SEPTIN9: variants seen among roughly 807,000 people sequenced by gnomAD.
SEPTIN9 encodes septin 9.
SEPTIN9 carries 13 observed loss-of-function variants against 56.6 expected under a neutral mutation model. The observed-to-expected ratio is 0.23, with a 90% CI of 0.15 to 0.37. SEPTIN9 has a LOEUF of 0.37. SEPTIN9 is among the 10% of genes least tolerant of loss of function. The probability of loss-of-function intolerance (pLI) is 1.00; values close to 1 mark genes in which losing one functional copy is unlikely to be tolerated. For missense variants in SEPTIN9, 650 were observed against 823.1 expected, an observed-to-expected ratio of 0.79 and a Z score of 2.57; for synonymous variants, 332 against 334.1, an observed-to-expected ratio of 0.99 and a Z score of 0.07.
chr17:77,400,168 G>A lies in SEPTIN9; in HGVS notation c.77-1891G>A, dbSNP rs1201286231. On this transcript the variant is annotated intron_variant, in intron 2 of 11. Transcript: ENST00000427177. The surrounding 1 kb of genome is among the most constrained non-coding windows in gnomAD (Gnocchi z 4.1). Reference sequence around the variant, plus strand: ...ATTTTTTATTTTTAGTAAAGATGGGGTTTCACCACATCAGCCAGGCTGCTC... The same window carrying A: ...ATTTTTTATTTTTAGTAAAGATGGGATTTCACCACATCAGCCAGGCTGCTC... Among the ~76,000 whole-genome samples the A allele has an allele frequency of 2.0e-5, 3 of 152,100 alleles. No individual in the cohort carries two copies. Among genetic ancestry groups the A allele is most frequent in the Non-Finnish European group, 2.9e-5 (2 of 68,026 alleles).
At chr17:77,417,886 C>T (rs757824093) in intron 3 of SEPTIN9, among the ~76,000 whole-genome samples, 4 of 152,208 alleles carry the variant, frequency 2.6e-5, no homozygotes, top group Non-Finnish European at 5.9e-5. Flanking sequence ...GGCACCTCAG[C>T]ACCTGCTGCA....
rs1237126186 is a variant in SEPTIN9 at position 77,498,898 on chromosome 17, C to T, written c.*240C>T. ...GGAGCCACAGGCAGGGGTGAGAGCA[C>T]CCACTGAATTGACATGACCCTCTGT... On this transcript the variant is annotated 3_prime_UTR_variant, in exon 12 of 12. Transcript: ENST00000427177. 1.7e-5 allele frequency: 10 copies of T among 591,764 alleles called. No homozygotes were observed. The highest frequency in any genetic ancestry group is 3.2e-5 in the Non-Finnish European group (10 of 313,630). 36.7% of individuals were successfully genotyped at this position (591,764 alleles called of 1,614,324 possible).
intron 3 of SEPTIN9, among the ~76,000 whole-genome samples, chr17:77,417,845 G>T (rs537831683): frequency 2.6e-5 from 4 of 152,196 alleles, no homozygotes; most frequent in African/African-American, 9.7e-5. Flanking sequence ...CGGAGGGGGG[G>T]TTCCAGGAAC....
rs930911644 is a variant in SEPTIN9, at chr17:77,475,971, CAG to C, written c.722-6172_722-6171del. On this transcript the variant is annotated intron_variant, in intron 3 of 11. Coordinates refer to ENST00000427177, the MANE Select transcript of SEPTIN9 (RefSeq NM_001113491.2). The surrounding 1 kb of genome is among the most constrained non-coding windows in gnomAD (Gnocchi z 4.6). ...AGGTGTGGGTTGGGTTTGGGGAAGACAGGGGAATGGCATTGACTTGACCCTGA... is the reference window on the plus strand; with the variant it reads ...AGGTGTGGGTTGGGTTTGGGGAAGACGGGAATGGCATTGACTTGACCCTGA... The C allele has an allele frequency of 5.7e-5, 87 of 1,513,284 alleles. 1 individual carries two copies. In the Middle Eastern group the frequency reaches 2.1e-3, roughly 37 times the overall value. The allele number at this position is 1,513,284 out of a possible 1,614,324, so 93.7% of individuals were successfully genotyped here.
rs114197578 is a variant in SEPTIN9, at chr17:77,421,955, C to A, written c.721+19252C>A. ...ATCTCGACCTCCTAGGCTCAGCAGT[C>A]CTCCCATCTCAGCCTACCAAGTAGC... On this transcript the variant is annotated intron_variant, in intron 3 of 11. Transcript: ENST00000427177. The surrounding 1 kb of genome is among the most constrained non-coding windows in gnomAD (Gnocchi z 4.6). Among the ~76,000 whole-genome samples, 5,864 of 152,204 alleles carry A rather than the reference C, an allele frequency of 0.039. 328 individuals carry two copies. The highest frequency in any genetic ancestry group is 0.12 in the African/African-American group (4,995 of 41,488).
Position 77,310,571 on chromosome 17 carries a change from C to T in SEPTIN9, c.76+3374C>T, listed in dbSNP as rs934806305. ...AAGGTCTTCTCTGTTACTAGTGCTG[C>T]CGGGAACGTGTGTTTCCCCAGGTGG... On this transcript the variant is annotated intron_variant, in intron 2 of 11. Coordinates refer to ENST00000427177, the MANE Select transcript of SEPTIN9 (RefSeq NM_001113491.2). This position sits in a 1 kb window ranked among gnomAD's most constrained non-coding sequence, Gnocchi z 4.7. Among the ~76,000 whole-genome samples, 1 of 134,936 alleles carries T rather than the reference C, an allele frequency of 7.4e-6. No individual in the cohort carries two copies. Among genetic ancestry groups the T allele is most frequent in the Non-Finnish European group, 1.6e-5 (1 of 64,250 alleles). 88.5% of individuals were successfully genotyped at this position (134,936 alleles called of 152,430 possible).
chr17:77,356,166 G>A (rs181876437), intron 2 of SEPTIN9, among the ~76,000 whole-genome samples: 575 of 152,192 alleles, frequency 3.8e-3, no homozygotes, highest in Non-Finnish European at 6.5e-3. Flanking sequence ...GTTTGGAAGA[G>A]GCGACACTGT....
intron 3 of SEPTIN9, among the ~76,000 whole-genome samples, chr17:77,418,706 G>A (rs531937606): frequency 6.6e-6 from 1 of 152,252 alleles, no homozygotes; most frequent in South Asian, 2.1e-4. Context: ...CTTTCCTCAC[G>A]GCCCATTGAT....
At chr17:77,379,466 G>A (rs1324625723) in intron 2 of SEPTIN9, among the ~76,000 whole-genome samples, 1 of 152,180 alleles carries the variant, frequency 6.6e-6, no homozygotes, top group Non-Finnish European at 1.5e-5. Flanking sequence ...AGGAGCCAGG[G>A]ACTTCTCAGC....
intron 3 of SEPTIN9, among the ~76,000 whole-genome samples, chr17:77,474,594 G>A (rs758899521): frequency 4.6e-5 from 7 of 152,178 alleles, no homozygotes; most frequent in Admixed American, 2.0e-4. Context: ...TGCCTGCACC[G>A]CAGCTGCACC....
chr17:77,362,648 C>T (rs550582293), intron 2 of SEPTIN9, among the ~76,000 whole-genome samples: 3 of 152,306 alleles, frequency 2.0e-5, no homozygotes, highest in Admixed American at 2.0e-4. Flanking sequence ...TCCCCTGTGC[C>T]TTCGCAGTCT....
rs1287310210 is a variant in SEPTIN9 at position 77,451,511 on chromosome 17, C to G, written c.722-30633C>G. The G allele has an allele frequency of 6.1e-6, 6 of 985,704 alleles. No individual in the cohort carries two copies. The highest frequency in any genetic ancestry group is 7.2e-6 in the Non-Finnish European group (6 of 830,228). 61.1% of individuals were successfully genotyped at this position (985,704 alleles called of 1,614,324 possible). A position where few individuals can be genotyped will look rare whatever the true frequency, so the allele number is the denominator to read the frequency against. Reference sequence around the variant, plus strand: ...GGCTCTCGGCGCGTCCAGCGCAGCCCGACGTTCCGCTGCTGGGGTGAGTCC... The same window carrying G: ...GGCTCTCGGCGCGTCCAGCGCAGCCGGACGTTCCGCTGCTGGGGTGAGTCC... On this transcript the variant is annotated intron_variant, in intron 3 of 11. Transcript: ENST00000427177. This position sits in a 1 kb window ranked among gnomAD's most constrained non-coding sequence, Gnocchi z 4.2.
rs541308215 is a variant in SEPTIN9, at chr17:77,429,816, G to A, written c.721+27113G>A. Among the ~76,000 whole-genome samples the A allele has an allele frequency of 1.2e-4, 18 of 152,280 alleles. No homozygotes were observed. In the East Asian group the frequency reaches 3.1e-3, roughly 26 times the overall value. On this transcript the variant is annotated intron_variant, in intron 3 of 11. Coordinates refer to ENST00000427177, the MANE Select transcript of SEPTIN9 (RefSeq NM_001113491.2). The surrounding 1 kb of genome is among the most constrained non-coding windows in gnomAD (Gnocchi z 5.2). Reference sequence around the variant, plus strand: ...CACAGAGGGGTGGGCTGTGCTCAGGGCAACACAGCGGATGGGGCAGATGTT... The same window carrying A: ...CACAGAGGGGTGGGCTGTGCTCAGGACAACACAGCGGATGGGGCAGATGTT...
In SEPTIN9 at chr17:77,435,913, T is replaced by G. The variant is rs1409045500; in HGVS notation, c.721+33210T>G. On this transcript the variant is annotated intron_variant, in intron 3 of 11. Transcript: ENST00000427177. This position sits in a 1 kb window ranked among gnomAD's most constrained non-coding sequence, Gnocchi z 4.5. ...GCACGGACTTCTTAGGGGCTTCCAT[T>G]CCTCCACCTGGAAAAACCTTACACC... is the stretch of plus-strand genomic sequence containing the variant. 5.3e-5 allele frequency among the ~76,000 whole-genome samples: 8 copies of G among 152,188 alleles called. No individual in the cohort carries two copies. The highest frequency in any genetic ancestry group is 5.2e-4 in the Admixed American group (8 of 15,276).
chr17:77,446,917 G>C (rs2037763206), intron 3 of SEPTIN9: 1 of 167,028 alleles, frequency 6.0e-6, no homozygotes, highest in Non-Finnish European at 1.5e-5. Context: ...TTTTTATTGT[G>C]CTAAAATGCA....
chr17:77,365,773 G>A (rs766284838), intron 2 of SEPTIN9, among the ~76,000 whole-genome samples: 1 of 152,188 alleles, frequency 6.6e-6, no homozygotes. Flanking sequence ...ACATGGAGCC[G>A]CGGTCCACAG....
intron 3 of SEPTIN9, among the ~76,000 whole-genome samples, chr17:77,430,521 C>T (rs987204298): frequency 6.6e-6 from 1 of 152,290 alleles, no homozygotes; most frequent in East Asian, 1.9e-4. Flanking sequence ...AGCAAGGGCC[C>T]GCAGAGCAGC....
intron 1 of SEPTIN9, among the ~76,000 whole-genome samples, chr17:77,303,613 G>T (rs1005083704): frequency 1.3e-5 from 2 of 151,698 alleles, no homozygotes; most frequent in Non-Finnish European, 1.5e-5. Context: ...CTTGGGAGGC[G>T]GAGGTTGCGG....
At chr17:77,359,897 G>C (rs2034361125) in intron 2 of SEPTIN9, among the ~76,000 whole-genome samples, 1 of 152,150 alleles carries the variant, frequency 6.6e-6, no homozygotes, top group African/African-American at 2.4e-5. Flanking sequence ...GGGCGCAGTG[G>C]CTCATGCCTG....
Sources: gnomAD v4.1 joint callset for allele counts (sites outside exome capture counted in the v4.1 genomes callset) on GRCh38, gnomAD v4.1.1 for gene constraint, Gnocchi (gnomAD v3.1) non-coding constraint, MANE v1.5 for transcripts, NCBI Gene and HGNC (gene_info 2026-07-23, HGNC 2026-07-21) for gene names.